Variants in ZNF836 observed in about 807,000 individuals in gnomAD.
The protein encoded by ZNF836 is zinc finger protein 836.
ZNF836 carries 12 observed loss-of-function variants against 7.4 expected under a neutral mutation model. The observed-to-expected ratio is 1.61, with a 90% CI of 1.03 to 2.61. ZNF836 has a LOEUF of 2.61. Among genes scored for constraint, ZNF836 ranks in the 30% most tolerant of loss-of-function variants. The pLI is 0.00. For missense variants in ZNF836, 998 were observed against 1,126.2 expected, an observed-to-expected ratio of 0.89 and a Z score of 1.63; for synonymous variants, 365 against 382.6, an observed-to-expected ratio of 0.95 and a Z score of 0.54.
Position 52,155,979 on chromosome 19 carries a change from G to A in ZNF836, c.1704C>T (p.Asn568=). 1 of 1,613,934 alleles carries A rather than the reference G, an allele frequency of 6.2e-7. No individual in the cohort carries two copies. The highest frequency in any genetic ancestry group is 1.1e-5 in the South Asian group (1 of 91,074). ...TATGTATTCTCTTATGAATTGAAAG[G>A]TTTCCACTGTAATTGAAGACCTTGC... is the stretch of plus-strand genomic sequence containing the variant. ...VCGKVFNYSG[N]LSIHKRIHTG... is the part of the protein sequence containing the mutation. Residue 568 remains asparagine (N), a synonymous_variant, in exon 5 of 5, where the codon AAC becomes AAT. Transcript: ENST00000682614.
intron 3 of ZNF836, among the ~76,000 whole-genome samples, chr19:52,163,252 T>C (rs2089229811): frequency 6.6e-6 from 1 of 152,224 alleles, no homozygotes; most frequent in South Asian, 2.1e-4. Flanking sequence ...CAGAGGCCAC[T>C]TGGCTACACC....
Position 52,156,275 on chromosome 19 carries a change from A to G in ZNF836, c.1408T>C (p.Tyr470His), listed in dbSNP as rs370931692. The G allele has an allele frequency of 1.9e-6, 3 of 1,614,178 alleles. No individual in the cohort carries two copies. Among genetic ancestry groups the G allele is most frequent in the Non-Finnish European group, 2.5e-6 (3 of 1,180,034 alleles). The change falls in exon 5 of 5, where the codon TAC becomes CAC. Residue 470 changes from tyrosine to histidine, a missense_variant. Tyr to His is a moderately conservative substitution (Grantham distance 83, BLOSUM62 2). Transcript: ENST00000682614. Reference protein sequence around the residue: ...HQRSHTGEKPYKCNECGKVFS... With the variant: ...HQRSHTGEKPHKCNECGKVFS... Reference sequence around the variant, plus strand: ...ACCTTGCCACATTCATTGCATTTGTAAGGTTTCTCTCCAGTATGACTTCTC... The same window carrying G: ...ACCTTGCCACATTCATTGCATTTGTGAGGTTTCTCTCCAGTATGACTTCTC...
At chr19:52,160,766 A>C in intron 3 of ZNF836, 175 bp from the exon 4 acceptor site, 1 of 685,000 alleles carries the variant, frequency 1.5e-6, no homozygotes, top group Non-Finnish European at 2.3e-6. Flanking sequence ...AATTCAATAG[A>C]AGATTATGAT....
Position 52,156,853 on chromosome 19 carries a change from C to G in ZNF836, c.830G>C (p.Gly277Ala). ...TTGTCTGAAGATCTTGCCACATACA[C>G]CACATTGATATGGCTTCCCCCTTGT... is the stretch of plus-strand genomic sequence containing the variant. ...VHTRGKPYQCGVCGKIFRQNS... is the reference protein window; with the variant it reads ...VHTRGKPYQCAVCGKIFRQNS... Residue 277 changes from glycine to alanine, a missense_variant, in exon 5 of 5, where the codon GGT becomes GCT. Gly to Ala is a moderately conservative substitution (Grantham distance 60). Transcript: ENST00000682614. The G allele has an allele frequency of 6.2e-7, 1 of 1,614,178 alleles. No individual in the cohort carries two copies. The highest frequency in any genetic ancestry group is 8.5e-7 in the Non-Finnish European group (1 of 1,180,044).
chr19:52,155,017 G>A lies in ZNF836; in HGVS notation c.2666C>T (p.Pro889Leu). ...KHQMIHSGEK[P>L]YKCNECGKSF... ...TTTGCCACACTCATTACATTTATAA[G>A]GTTTTTCTCCAGAATGAATCATTTG... The change falls in exon 5 of 5, where the codon CCT (proline) becomes CTT (leucine). Residue 889 changes from proline to leucine, a missense_variant. Coordinates refer to ENST00000682614, the MANE Select transcript of ZNF836 (RefSeq NM_001102657.3). 1.2e-6 allele frequency: 2 copies of A among 1,614,082 alleles called. No homozygotes were observed.
At chr19:52,159,823 C>T (rs2089197362) in intron 4 of ZNF836, among the ~76,000 whole-genome samples, 1 of 152,084 alleles carries the variant, frequency 6.6e-6, no homozygotes, top group East Asian at 1.9e-4. Flanking sequence ...AGCGTTTGTG[C>T]TTGCAGAGCT....
rs756620753 is a variant in ZNF836, at chr19:52,160,617, T to A, written c.16-26A>T. ...CTGAAATGAAAAACACATTTCAACA[T>A]GAGCAATGGGAGAGCTCTTATCTAT... On this transcript the variant is annotated intron_variant, in intron 3 of 4. Coordinates refer to ENST00000682614, the MANE Select transcript of ZNF836 (RefSeq NM_001102657.3). 3.8e-6 allele frequency: 6 copies of A among 1,591,778 alleles called. No individual in the cohort carries two copies. In the East Asian group the frequency reaches 1.3e-4, roughly 36 times the overall value.
chr19:52,157,580 T>A (rs1408208906), intron 4 of ZNF836, 40 bp from the exon 5 acceptor site: 13 of 1,444,638 alleles, frequency 9.0e-6, no homozygotes, highest in Non-Finnish European at 1.2e-5. Context: ...TTCGTTGGTT[T>A]TTTTTTTTGA....
chr19:52,166,302 T>C (rs1418797013), intron 3 of ZNF836, among the ~76,000 whole-genome samples: 1 of 151,876 alleles, frequency 6.6e-6, no homozygotes, highest in African/African-American at 2.4e-5. Context: ...TGTCCTTTTT[T>C]AAGATTATAA....
rs753665723 is a variant in ZNF836 at position 52,155,843 on chromosome 19, CAT to C, written c.1838_1839del (p.Asn613SerfsTer8). Reference sequence around the variant, plus strand: ...CTGTCATTGAAGACCTTGCCACACACATTACATTTGTAAGGTTTCTGCCCAGT... The same window carrying C: ...CTGTCATTGAAGACCTTGCCACACACTACATTTGTAAGGTTTCTGCCCAGT... The part of the protein sequence containing the change: ...IHTGQKPYKC[N>X]VCGKVFNDSG... On this transcript the variant is annotated frameshift_variant, in exon 5 of 5. Coordinates refer to ENST00000682614, the MANE Select transcript of ZNF836 (RefSeq NM_001102657.3). LOFTEE classifies it low-confidence loss of function (END_TRUNC). 3.4e-5 allele frequency: 55 copies of C among 1,613,882 alleles called. No individual in the cohort carries two copies. The highest frequency in any genetic ancestry group is 4.5e-5 in the Non-Finnish European group (53 of 1,179,904).
rs573700821 is a variant in ZNF836 at position 52,170,864 on chromosome 19, T to C, written c.-215+472A>G. On this transcript the variant is annotated intron_variant, in intron 1 of 4. Transcript: ENST00000682614. ...ATGCCCACCTCCCGGAAAAGCATAT[T>C]TTCCAGTGGAGTAAAATTTGGGAAG... Among the ~76,000 whole-genome samples, 4 of 152,236 alleles carry C rather than the reference T, an allele frequency of 2.6e-5. No individual in the cohort carries two copies. The South Asian group carries it at 8.3e-4, about 32-fold the overall frequency.
chr19:52,154,830 G>C lies in ZNF836; in HGVS notation c.*42C>G. On this transcript the variant is annotated 3_prime_UTR_variant, in exon 5 of 5. Transcript: ENST00000682614. ...GATTAAAATTCCACATGAGATTTCA[G>C]ACGGAAGTGACAAATATACAAGCTA... 1 of 1,435,980 alleles carries C rather than the reference G, an allele frequency of 7.0e-7. No individual in the cohort carries two copies. The highest frequency in any genetic ancestry group is 9.2e-7 in the Non-Finnish European group (1 of 1,085,058). The allele number at this position is 1,435,980 out of a possible 1,614,324, so 89.0% of individuals were successfully genotyped here.
intron 3 of ZNF836, among the ~76,000 whole-genome samples, chr19:52,165,551 T>A (rs564963576): frequency 6.6e-6 from 1 of 152,220 alleles, no homozygotes; most frequent in East Asian, 1.9e-4. Context: ...TCTCACTGAC[T>A]CTTGCCACAG....
At position 52,157,541 on chromosome 19, in the gene ZNF836, C is replaced by T. The variant is rs1427542899; in HGVS notation, c.143-1G>A. The T allele has an allele frequency of 6.7e-7, 1 of 1,491,652 alleles. No homozygotes were observed. Among genetic ancestry groups the T allele is most frequent in the Non-Finnish European group, 8.9e-7 (1 of 1,125,392 alleles). The allele number at this position is 1,491,652 out of a possible 1,614,324, so 92.4% of individuals were successfully genotyped here. ...TTGGTCATACATTTAGGAAGGATAC[C>T]TACAAAATATAATGAACATGGGAGT... On this transcript the variant is annotated splice_acceptor_variant, in intron 4 of 4. Coordinates refer to ENST00000682614, the MANE Select transcript of ZNF836 (RefSeq NM_001102657.3). LOFTEE classifies it high-confidence loss of function.
At chr19:52,167,200 G>T (rs1237333992) in intron 3 of ZNF836, among the ~76,000 whole-genome samples, 1 of 151,728 alleles carries the variant, frequency 6.6e-6, no homozygotes, top group Non-Finnish European at 1.5e-5. Flanking sequence ...GGCCAGGCAC[G>T]GTGGGTCACA....
intron 3 of ZNF836, among the ~76,000 whole-genome samples, chr19:52,163,107 C>T (rs1466443464): frequency 6.6e-6 from 1 of 152,164 alleles, no homozygotes; most frequent in Non-Finnish European, 1.5e-5. Flanking sequence ...AACTATTCTG[C>T]CCTCAAGGCC....
At chr19:52,157,577 G>GA in intron 4 of ZNF836, 37 bp from the exon 5 acceptor site, 3 of 1,181,756 alleles carry the variant, frequency 2.5e-6, no homozygotes, top group East Asian at 6.4e-5. Context: ...TTTTTCGTTG[G>GA]TTTTTTTTTT....
Position 52,169,773 on chromosome 19 carries a change from A to AG in ZNF836, c.-207dup, listed in dbSNP as rs2089294274. ...ATGGCACTGTACTCTAGTCTGACAGAGCAAGACCCTGTCTCAAAAAAGAAA... is the reference window on the plus strand; with the variant it reads ...ATGGCACTGTACTCTAGTCTGACAGAGGCAAGACCCTGTCTCAAAAAAGAAA... On this transcript the variant is annotated 5_prime_UTR_variant, in exon 2 of 5. Transcript: ENST00000682614. 6.6e-6 allele frequency: 1 copy of AG among 151,038 alleles called. No homozygotes were observed. Among genetic ancestry groups the AG allele is most frequent in the African/African-American group, 2.5e-5 (1 of 40,802 alleles). 9.4% of individuals were successfully genotyped at this position (151,038 alleles called of 1,614,324 possible).
Position 52,162,195 on chromosome 19 carries a change from C to T in ZNF836, c.16-1604G>A, listed in dbSNP as rs76296525. On this transcript the variant is annotated intron_variant, in intron 3 of 4. Transcript: ENST00000682614. ...GCTCTCCCGAGCTGGAATCACATAC[C>T]GGTGACTCTACAGTTTTGGGGTCTC... Among the ~76,000 whole-genome samples, 111 of 152,322 alleles carry T rather than the reference C, an allele frequency of 7.3e-4. 3 individuals are homozygous for T. The East Asian group carries it at 0.016, about 22-fold the overall frequency.
Sources: allele counts gnomAD v4.1 joint callset (sites outside exome capture counted in the v4.1 genomes callset), GRCh38; gene constraint gnomAD v4.1.1; transcripts MANE v1.5; gene names NCBI Gene and HGNC (gene_info 2026-07-23, HGNC 2026-07-21).